MPRIP: variants seen among roughly 807,000 people sequenced by gnomAD.
The protein encoded by MPRIP is myosin phosphatase Rho interacting protein.
A neutral mutation model predicts 234.9 loss-of-function variants in MPRIP; 59 were observed. The ratio of observed to expected loss-of-function variants is 0.25; its 90% CI spans 0.20 to 0.31. MPRIP has a LOEUF of 0.31. Among genes scored for constraint, MPRIP ranks in the 10% least tolerant of loss-of-function variants. The pLI is 1.00. For synonymous variants in MPRIP, 1,144 were observed against 1,263.9 expected (o/e 0.91, Z 2.01); for missense variants, 2,436 against 3,071.0 (o/e 0.79, Z 4.89).
Position 17,189,543 on chromosome 17 carries a change from GAAATT to G in MPRIP, c.*4652_*4656del, listed in dbSNP as rs1302881489. 1 of 151,870 alleles carries G rather than the reference GAAATT, an allele frequency of 6.6e-6. No homozygotes were observed. Among genetic ancestry groups the G allele is most frequent in the Non-Finnish European group, 1.5e-5 (1 of 67,978 alleles). The allele number at this position is 151,870 out of a possible 1,614,324, so 9.4% of individuals were successfully genotyped here. The stretch of plus-strand genomic sequence containing the variant: ...GACCCCTTTGTCACTAAGGGAGAAA[GAAATT>G]AAGTATTGTCAAAGTTCTATAAAGA... On this transcript the variant is annotated 3_prime_UTR_variant, in exon 24 of 24. Transcript: ENST00000651222.
chr17:17,146,136 AG>A (rs1248083432), intron 10 of MPRIP, 44 bp downstream of exon 10: 1 of 1,565,916 alleles, frequency 6.4e-7, no homozygotes, highest in Non-Finnish European at 8.8e-7. Context: ...ATCTGGGGAC[AG>A]GGTGAGGGTG....
chr17:17,175,386 C>T lies in MPRIP; in HGVS notation c.6844C>T (p.Gln2282Ter), dbSNP rs1280941331. Residue 2282 changes from glutamine (Q) to a stop codon, truncating the protein, a stop_gained, in exon 20 of 24, where the codon CAG (glutamine) becomes TAG (stop). Transcript: ENST00000651222. LOFTEE classifies it high-confidence loss of function. ...GGEATGSPLA[Q>*]GKDAYELEVL... ...GGAGGCCACTGGGTCACCCCTTGCA[C>T]AGGGCAAGGATGCCTATGAACTAGA... 6.2e-7 allele frequency: 1 copy of T among 1,612,640 alleles called. No individual in the cohort carries two copies. The highest frequency in any genetic ancestry group is 1.1e-5 in the South Asian group (1 of 90,970).
intron 12 of MPRIP, among the ~76,000 whole-genome samples, chr17:17,151,555 G>A (rs1030159500): frequency 1.3e-5 from 2 of 152,196 alleles, no homozygotes; most frequent in Non-Finnish European, 2.9e-5. Flanking sequence ...TTCCCGCCAT[G>A]GTTGGCTACT....
chr17:17,149,721 A>G (rs1402050620), intron 11 of MPRIP: 1 of 108,888 alleles, frequency 9.2e-6, no homozygotes, highest in African/African-American at 2.5e-5. Flanking sequence ...ATATATATTT[A>G]AATGTATAAA....
chr17:17,091,644 C>T (rs2089720860), intron 3 of MPRIP, among the ~76,000 whole-genome samples: 1 of 152,198 alleles, frequency 6.6e-6, no homozygotes, highest in Non-Finnish European at 1.5e-5. Flanking sequence ...TTCACTACAT[C>T]ACATCCCTTG....
At chr17:17,128,673 G>A (rs1260003710) in intron 4 of MPRIP, among the ~76,000 whole-genome samples, 1 of 152,154 alleles carries the variant, frequency 6.6e-6, no homozygotes, top group Admixed American at 6.5e-5. Flanking sequence ...TGTGGGCCAC[G>A]TTAGTTCGTG....
Position 17,131,727 on chromosome 17 carries a change from A to G in MPRIP, c.504+26A>G, listed in dbSNP as rs371328959. The G allele has an allele frequency of 1.4e-5, 22 of 1,603,162 alleles. No individual in the cohort carries two copies. The African/African-American group carries it at 2.0e-4, about 15-fold the overall frequency. The stretch of plus-strand genomic sequence containing the variant: ...GTAGGCAGTGGGTTTGCCAGATGGC[A>G]TCCCCTCAGTGGAGCCAGGGCTTGG... On this transcript the variant is annotated intron_variant, in intron 5 of 23. Coordinates refer to ENST00000651222, the MANE Select transcript of MPRIP (RefSeq NM_001364716.4).
chr17:17,053,111 A>G (rs1252268404), intron 1 of MPRIP, among the ~76,000 whole-genome samples: 3 of 150,982 alleles, frequency 2.0e-5, no homozygotes, highest in Non-Finnish European at 4.4e-5. Flanking sequence ...GGGCCGCGGG[A>G]GGGGTGGGTC....
chr17:17,113,597 C>A lies in MPRIP; in HGVS notation c.268-13105C>A, dbSNP rs574536903. ...TGTTGGCTATTGTGAATAATGCTGC[C>A]ATGGTACGTGGGTGTACAAATATCT... On this transcript the variant is annotated intron_variant, in intron 3 of 23. Coordinates refer to ENST00000651222, the MANE Select transcript of MPRIP (RefSeq NM_001364716.4). 1.2e-4 allele frequency among the ~76,000 whole-genome samples: 19 copies of A among 152,330 alleles called. No homozygotes were observed. The South Asian group carries it at 2.9e-3, about 23-fold the overall frequency.
intron 1 of MPRIP, among the ~76,000 whole-genome samples, chr17:17,052,932 G>A (rs1370102829): frequency 1.3e-5 from 2 of 152,150 alleles, no homozygotes; most frequent in Non-Finnish European, 2.9e-5. Context: ...CAAGGTTTCT[G>A]ACCTCCTCGT....
chr17:17,069,158 G>C (rs1257658384), intron 1 of MPRIP, among the ~76,000 whole-genome samples: 2 of 152,086 alleles, frequency 1.3e-5, no homozygotes, highest in Non-Finnish European at 2.9e-5. Flanking sequence ...TCAGTGAATT[G>C]ACCCTTTTAT....
chr17:17,189,659 T>A lies in MPRIP; in HGVS notation c.*4765T>A, dbSNP rs147322684. 6.6e-6 allele frequency: 1 copy of A among 152,232 alleles called. No individual in the cohort carries two copies. Among genetic ancestry groups the A allele is most frequent in the Non-Finnish European group, 1.5e-5 (1 of 68,048 alleles). 9.4% of individuals were successfully genotyped at this position (152,232 alleles called of 1,614,324 possible). ...GTCATGTTGATGAGAAGCTTCACTT[T>A]CCTGGGAACTTCATTCGTTTTAGGG... On this transcript the variant is annotated 3_prime_UTR_variant, in exon 24 of 24. Transcript: ENST00000651222.
In MPRIP at chr17:17,172,452, C is replaced by T. The variant is rs191988488; in HGVS notation, c.6473-246C>T. Among the ~76,000 whole-genome samples the T allele has an allele frequency of 2.9e-3, 439 of 152,180 alleles. 4 individuals are homozygous for T. In the Middle Eastern group the frequency reaches 0.034, roughly 12 times the overall value. On this transcript the variant is annotated intron_variant, in intron 17 of 23. Coordinates refer to ENST00000651222, the MANE Select transcript of MPRIP (RefSeq NM_001364716.4). ...TTTAATCAGTTTGGTTTTCTTCTAA[C>T]ACCAAAAAAAAAGCCAAACGTGCAT...
At position 17,137,940 on chromosome 17, in the gene MPRIP, G is replaced by A. The variant is rs753280493; in HGVS notation, c.761G>A (p.Arg254His). 32 of 1,610,500 alleles carry A rather than the reference G, an allele frequency of 2.0e-5. No homozygotes were observed. Among genetic ancestry groups the A allele is most frequent in the Admixed American group, 5.0e-5 (3 of 59,780 alleles). ...GAGGAGAGCGCCATGAGTAGCGACC[G>A]CATGGACTGTGGCCGCAAAGTCCGG... is the stretch of plus-strand genomic sequence containing the variant. ...KEEESAMSSDRMDCGRKVRVE... is the reference protein window; with the variant it reads ...KEEESAMSSDHMDCGRKVRVE... The change falls in exon 7 of 24, where the codon CGC becomes CAC. Residue 254 changes from arginine to histidine, a missense_variant. By Grantham distance (29) the Arg-to-His change is conservative (BLOSUM62 0). Transcript: ENST00000651222.
chr17:17,087,698 C>T (rs541374915), intron 3 of MPRIP, among the ~76,000 whole-genome samples: 1 of 152,348 alleles, frequency 6.6e-6, no homozygotes, highest in South Asian at 2.1e-4. Context: ...CGCCTCTAGG[C>T]AGCACTGGTG....
At position 17,146,065 on chromosome 17, in the gene MPRIP, GCTGA is replaced by G. The variant is rs1436769512; in HGVS notation, c.1536_1539del (p.Thr513SerfsTer20). 1 of 1,614,108 alleles carries G rather than the reference GCTGA, an allele frequency of 6.2e-7. No homozygotes were observed. Among genetic ancestry groups the G allele is most frequent in the Non-Finnish European group, 8.5e-7 (1 of 1,180,032 alleles). On this transcript the variant is annotated frameshift_variant, in exon 10 of 24. Coordinates refer to ENST00000651222, the MANE Select transcript of MPRIP (RefSeq NM_001364716.4). LOFTEE classifies it high-confidence loss of function. The stretch of plus-strand genomic sequence containing the variant: ...ACCTGCTGAATTTCAAGAAAGGCTG[GCTGA>G]CTAAGCAGTATGAGGACGGCCAGGT...
intron 8 of MPRIP, 26 bp downstream of exon 8, chr17:17,142,791 C>T (rs765723394): frequency 1.9e-5 from 31 of 1,608,556 alleles, no homozygotes; most frequent in Non-Finnish European, 2.3e-5. Context: ...TGGGCAGCAC[C>T]TCAGGGGTGG....
intron 22 of MPRIP, chr17:17,179,531 G>A (rs1237819333): frequency 6.5e-6 from 1 of 152,706 alleles, no homozygotes; most frequent in East Asian, 2.0e-4. Context: ...TTGTGTTACA[G>A]GTACTTAAGT....
intron 3 of MPRIP, among the ~76,000 whole-genome samples, chr17:17,111,266 CGAA>C (rs1474816751): frequency 7.2e-6 from 1 of 138,266 alleles, no homozygotes; most frequent in Non-Finnish European, 1.5e-5. Flanking sequence ...CATAGAGACT[CGAA>C]GAGAGAGGAA....
Sources: allele counts gnomAD v4.1 joint callset (sites outside exome capture counted in the v4.1 genomes callset), GRCh38; gene constraint gnomAD v4.1.1; transcripts MANE v1.5; gene names NCBI Gene and HGNC (gene_info 2026-07-23, HGNC 2026-07-21).